Variants in SAMD5 observed in about 807,000 individuals in gnomAD.
SAMD5 encodes the protein sterile alpha motif domain containing 5.
SAMD5 carries 13 observed loss-of-function variants against 11.3 expected under a neutral mutation model. That is an observed-to-expected ratio of 1.15 (90% confidence interval 0.75 to 1.83). The LOEUF (loss-of-function observed/expected upper bound fraction) is 1.83. SAMD5 is among the 40% of genes most tolerant of loss of function. The probability of loss-of-function intolerance (pLI) is 0.00; values close to 1 mark genes in which losing one functional copy is unlikely to be tolerated. For missense variants in SAMD5, 255 were observed against 239.1 expected, an observed-to-expected ratio of 1.07 and a Z score of -0.44; for synonymous variants, 129 against 111.3, an observed-to-expected ratio of 1.16 and a Z score of -1.00.
intron 1 of SAMD5, among the ~76,000 whole-genome samples, chr6:147,611,911 A>G (rs1469192053): frequency 2.6e-5 from 4 of 152,200 alleles, no homozygotes; most frequent in Non-Finnish European, 5.9e-5. Flanking sequence ...CTCTAAGACA[A>G]GTGGAACTTC....
the SAMD5 span, among the ~76,000 whole-genome samples, chr6:147,838,845 G>A: frequency 4.6e-5 from 7 of 152,238 alleles, no homozygotes; most frequent in African/African-American, 1.7e-4. Context: ...GGTAAGGGCC[G>A]TGTCACACTA....
the SAMD5 span, among the ~76,000 whole-genome samples, chr6:147,921,796 A>G: frequency 6.6e-6 from 1 of 152,182 alleles, no homozygotes; most frequent in African/African-American, 2.4e-5. Context: ...ACCTAAAGTG[A>G]ACTGAGACCT....
In SAMD5 at chr6:147,550,868, G is replaced by A. The variant is rs6916665; in HGVS notation, c.460-13526G>A. ...GACTTGACTGCTACTCAATATATCC[G>A]TGTAACAAAACTGCACTTATACCTC... On this transcript the variant is annotated intron_variant, in intron 1 of 1. Transcript: ENST00000367474. Among the ~76,000 whole-genome samples the A allele has an allele frequency of 3.5e-3, 522 of 150,090 alleles. 2 individuals carry two copies. Among genetic ancestry groups the A allele is most frequent in the African/African-American group, 0.012 (484 of 41,022 alleles).
At chr6:147,866,016 T>A in the SAMD5 span, among the ~76,000 whole-genome samples, 1 of 152,222 alleles carries the variant, frequency 6.6e-6, no homozygotes, top group East Asian at 1.9e-4. Flanking sequence ...CCTTTATGTT[T>A]TTAATAGCAC....
the SAMD5 span, among the ~76,000 whole-genome samples, chr6:147,796,576 T>G: frequency 1.2e-3 from 184 of 152,306 alleles, 2 homozygotes; most frequent in Non-Finnish European, 2.1e-3. Flanking sequence ...ATATGAACTT[T>G]AAAGTAGTTT....
At chr6:147,788,865 C>T in the SAMD5 span, among the ~76,000 whole-genome samples, 11 of 152,044 alleles carry the variant, frequency 7.2e-5, no homozygotes, top group African/African-American at 2.4e-4. Flanking sequence ...GGGAGGATCA[C>T]GAGGTCAGGA....
intron 1 of SAMD5, among the ~76,000 whole-genome samples, chr6:147,716,626 G>A (rs570802054): frequency 4.6e-5 from 7 of 152,274 alleles, no homozygotes; most frequent in East Asian, 3.9e-4. Context: ...ACCTGTTTCC[G>A]GCTCCTGTCG....
chr6:147,751,991 T>C, the SAMD5 span, among the ~76,000 whole-genome samples: 2 of 152,162 alleles, frequency 1.3e-5, no homozygotes, highest in Non-Finnish European at 2.9e-5. Flanking sequence ...TTATATCTCA[T>C]TGTAGCATTC....
chr6:147,563,747 A>G (rs1788991550), intron 1 of SAMD5, among the ~76,000 whole-genome samples: 1 of 152,280 alleles, frequency 6.6e-6, no homozygotes, highest in Admixed American at 6.5e-5. Flanking sequence ...GGCAAAGACC[A>G]CACAGCAAAT....
At chr6:147,563,612 T>C (rs1287560303) in intron 1 of SAMD5, among the ~76,000 whole-genome samples, 5 of 152,196 alleles carry the variant, frequency 3.3e-5, no homozygotes, top group Admixed American at 3.3e-4. Flanking sequence ...AGATGGGCAG[T>C]GCACTGTAAT....
At chr6:147,943,686 G>A in the SAMD5 span, among the ~76,000 whole-genome samples, 2 of 151,866 alleles carry the variant, frequency 1.3e-5, no homozygotes, top group African/African-American at 2.4e-5. Flanking sequence ...ATATTCATAA[G>A]GATCTCTCCT....
chr6:147,798,125 G>C, the SAMD5 span, among the ~76,000 whole-genome samples: 2 of 143,724 alleles, frequency 1.4e-5, no homozygotes, highest in Non-Finnish European at 3.0e-5. Context: ...GAATGTGTTT[G>C]CTCTTGCTTT....
At chr6:147,648,581 G>GA (rs377325406) in intron 1 of SAMD5, among the ~76,000 whole-genome samples, 1 of 152,178 alleles carries the variant, frequency 6.6e-6, no homozygotes, top group African/African-American at 2.4e-5. Flanking sequence ...TGATGTACAA[G>GA]ACCTTACAAC....
At chr6:147,825,294 C>A in the SAMD5 span, among the ~76,000 whole-genome samples, 1 of 151,978 alleles carries the variant, frequency 6.6e-6, no homozygotes, top group African/African-American at 2.4e-5. Flanking sequence ...GAGACTCCGT[C>A]TCAAAAAACA....
chr6:147,768,366 C>G, the SAMD5 span, among the ~76,000 whole-genome samples: 1 of 152,056 alleles, frequency 6.6e-6, no homozygotes, highest in Non-Finnish European at 1.5e-5. Context: ...GGCGTGGTAG[C>G]ATGTGCCTGT....
intron 1 of SAMD5, among the ~76,000 whole-genome samples, chr6:147,693,745 GA>G (rs1274045511): frequency 1.2e-4 from 18 of 152,074 alleles, no homozygotes; most frequent in Admixed American, 4.6e-4. Context: ...GTAGGCGGGG[GA>G]TCACCTGAGG....
intron 1 of SAMD5, among the ~76,000 whole-genome samples, chr6:147,726,596 C>A (rs1188399981): frequency 6.6e-6 from 1 of 152,196 alleles, no homozygotes; most frequent in Non-Finnish European, 1.5e-5. Context: ...CTTTAGTCAT[C>A]TCCTACTTTT....
chr6:147,567,944 A>G lies in SAMD5; in HGVS notation c.*3488A>G, dbSNP rs1583087632. 2 of 985,940 alleles carry G rather than the reference A, an allele frequency of 2.0e-6. No homozygotes were observed. The highest frequency in any genetic ancestry group is 1.2e-6 in the Non-Finnish European group (1 of 830,454). The allele number at this position is 985,940 out of a possible 1,614,324, so 61.1% of individuals were successfully genotyped here. ...TCAAAACAAAACAAAACAAAACAAAACAGCAAATTCATAAAGGCCAGCAGT... is the reference window on the plus strand; with the variant it reads ...TCAAAACAAAACAAAACAAAACAAAGCAGCAAATTCATAAAGGCCAGCAGT... On this transcript the variant is annotated 3_prime_UTR_variant, in exon 2 of 2. Coordinates refer to ENST00000367474, the MANE Select transcript of SAMD5 (RefSeq NM_001030060.3).
the SAMD5 span, among the ~76,000 whole-genome samples, chr6:147,775,736 G>A: frequency 6.6e-6 from 1 of 152,154 alleles, no homozygotes; most frequent in African/African-American, 2.4e-5. Flanking sequence ...GGACTTTGGG[G>A]AAGAGAGGCA....
Sources: allele counts gnomAD v4.1 joint callset (sites outside exome capture counted in the v4.1 genomes callset), GRCh38; gene constraint gnomAD v4.1.1; transcripts MANE v1.5; gene names NCBI Gene and HGNC (gene_info 2026-07-23, HGNC 2026-07-21).